NAALADL2: variants seen among roughly 807,000 people sequenced by gnomAD.
NAALADL2 encodes N-acetylated alpha-linked acidic dipeptidase like 2.
A neutral mutation model predicts 87.2 loss-of-function variants in NAALADL2; 76 were observed. The ratio of observed to expected loss-of-function variants is 0.87; its 90% CI spans 0.72 to 1.05. The LOEUF is 1.05. Among genes scored for constraint, NAALADL2 ranks in the 50% least tolerant of loss-of-function variants. The probability of loss-of-function intolerance (pLI) is 0.00; values close to 1 mark genes in which losing one functional copy is unlikely to be tolerated. For synonymous variants in NAALADL2, 354 were observed against 331.0 expected (o/e 1.07, Z -0.75); for missense variants, 1,089 against 945.8 (o/e 1.15, Z -1.99).
chr3:175,681,588 A>G (rs1172823445), intron 11 of NAALADL2, among the ~76,000 whole-genome samples: 1 of 152,206 alleles, frequency 6.6e-6, no homozygotes, highest in African/African-American at 2.4e-5. Flanking sequence ...AATCTAAAAG[A>G]AGTGTTGCAA....
At chr3:175,243,070 AACACACACAC>A (rs145805880) in intron 3 of NAALADL2, among the ~76,000 whole-genome samples, 1 of 146,974 alleles carries the variant, frequency 6.8e-6, no homozygotes, top group East Asian at 2.0e-4. Flanking sequence ...TCCTTTCCAT[AACACACACAC>A]ACACACACAC....
chr3:175,140,061 A>G (rs1350664597), intron 2 of NAALADL2, among the ~76,000 whole-genome samples: 1 of 152,176 alleles, frequency 6.6e-6, no homozygotes, highest in Non-Finnish European at 1.5e-5. Flanking sequence ...AGGGATTTAA[A>G]TTCAGTCAGG....
intron 2 of NAALADL2, among the ~76,000 whole-genome samples, chr3:174,676,147 TA>T (rs111566051): frequency 6.6e-5 from 10 of 152,170 alleles, no homozygotes; most frequent in African/African-American, 2.4e-4. Context: ...ATTGAAGGTT[TA>T]TTCTTGGTAA....
chr3:174,555,356 A>G (rs1003708638), intron 2 of NAALADL2, among the ~76,000 whole-genome samples: 1 of 152,110 alleles, frequency 6.6e-6, no homozygotes, highest in Non-Finnish European at 1.5e-5. Flanking sequence ...CTGGAGTGCA[A>G]TGGCGCGATC....
chr3:174,720,358 A>T (rs953382708), intron 2 of NAALADL2, among the ~76,000 whole-genome samples: 17 of 152,328 alleles, frequency 1.1e-4, no homozygotes, highest in African/African-American at 4.1e-4. Context: ...ATTTCTTAGT[A>T]ACAAAGTAAT....
chr3:175,030,461 C>T (rs979894212), intron 1 of NAALADL2, among the ~76,000 whole-genome samples: 2 of 151,948 alleles, frequency 1.3e-5, no homozygotes, highest in African/African-American at 4.8e-5. Flanking sequence ...TTGACAGTTG[C>T]ATTATGTATC....
At chr3:174,552,319 A>G (rs1007791512) in intron 2 of NAALADL2, among the ~76,000 whole-genome samples, 13 of 152,198 alleles carry the variant, frequency 8.5e-5, no homozygotes, top group African/African-American at 2.2e-4. Context: ...ATGATGAAGT[A>G]GAAATGTGAA....
chr3:175,336,043 C>T (rs528406129), intron 5 of NAALADL2, among the ~76,000 whole-genome samples: 7 of 152,212 alleles, frequency 4.6e-5, no homozygotes, highest in South Asian at 4.1e-4. Context: ...GACTTATATA[C>T]GTGCATACCC....
At chr3:175,346,080 T>C (rs1193958128) in intron 5 of NAALADL2, among the ~76,000 whole-genome samples, 2 of 152,200 alleles carry the variant, frequency 1.3e-5, no homozygotes, top group Admixed American at 1.3e-4. Flanking sequence ...TGCCTTTTTG[T>C]GCATATTTGA....
chr3:174,736,057 T>G lies in NAALADL2; in HGVS notation c.-114-1584T>G, dbSNP rs374236034. Among the ~76,000 whole-genome samples, 65 of 152,212 alleles carry G rather than the reference T, an allele frequency of 4.3e-4. 2 individuals are homozygous for G. The South Asian group carries it at 0.013, about 32-fold the overall frequency. On this transcript the variant is annotated intron_variant, in intron 2 of 3. Transcript: ENST00000434257. Reference sequence around the variant, plus strand: ...CCTGTGAGGCTGCAGCTGGTCCAGGTGTACTGCAAGCCGCTTCCATGGCTG... The same window carrying G: ...CCTGTGAGGCTGCAGCTGGTCCAGGGGTACTGCAAGCCGCTTCCATGGCTG...
At chr3:175,101,161 G>A (rs975671639) in intron 2 of NAALADL2, among the ~76,000 whole-genome samples, 2 of 152,184 alleles carry the variant, frequency 1.3e-5, no homozygotes, top group Admixed American at 1.3e-4. Context: ...GATTTGCATT[G>A]AAGTGTTGAT....
chr3:175,690,410 A>G (rs564979966), intron 11 of NAALADL2, among the ~76,000 whole-genome samples: 2 of 152,236 alleles, frequency 1.3e-5, no homozygotes, highest in South Asian at 4.1e-4. Flanking sequence ...TAAGGCAAAC[A>G]TGAGAAAAAT....
chr3:175,430,586 T>C (rs1298772110), intron 5 of NAALADL2, among the ~76,000 whole-genome samples: 1 of 152,052 alleles, frequency 6.6e-6, no homozygotes, highest in Non-Finnish European at 1.5e-5. Context: ...TATTTACATC[T>C]TACTTACATC....
intron 2 of NAALADL2, among the ~76,000 whole-genome samples, chr3:175,211,840 T>G (rs1322979673): frequency 6.6e-6 from 1 of 152,030 alleles, no homozygotes; most frequent in Non-Finnish European, 1.5e-5. Flanking sequence ...CTTAAAATAA[T>G]GTATTCATTA....
chr3:174,611,786 G>C (rs1197275253), intron 2 of NAALADL2, among the ~76,000 whole-genome samples: 2 of 151,576 alleles, frequency 1.3e-5, no homozygotes, highest in African/African-American at 4.8e-5. Context: ...TAGTAGAGAC[G>C]GGGTTTCACC....
At chr3:175,191,197 C>T (rs1294257058) in intron 2 of NAALADL2, among the ~76,000 whole-genome samples, 1 of 151,942 alleles carries the variant, frequency 6.6e-6, no homozygotes, top group Non-Finnish European at 1.5e-5. Flanking sequence ...CTGTAGTAAC[C>T]GTTTCACTCT....
At chr3:175,295,896 G>A (rs4894709) in intron 4 of NAALADL2, among the ~76,000 whole-genome samples, 70,078 of 151,550 alleles carry the variant, frequency 0.46, 17,014 homozygotes, top group Non-Finnish European at 0.53. Flanking sequence ...TCATGAGTTG[G>A]AATCTAACTG....
intron 1 of NAALADL2, among the ~76,000 whole-genome samples, chr3:174,922,192 C>T (rs1735323461): frequency 6.6e-6 from 1 of 151,648 alleles, no homozygotes; most frequent in African/African-American, 2.4e-5. Flanking sequence ...CACCTGTAGT[C>T]CTACGTTCTT....
At chr3:174,892,473 A>G (rs912375518) in intron 1 of NAALADL2, among the ~76,000 whole-genome samples, 14 of 152,200 alleles carry the variant, frequency 9.2e-5, no homozygotes, top group Non-Finnish European at 2.1e-4. Flanking sequence ...AAAAAAAAGT[A>G]CATCTGTACG....
Sources: gnomAD v4.1 joint callset for allele counts (sites outside exome capture counted in the v4.1 genomes callset) on GRCh38, gnomAD v4.1.1 for gene constraint, MANE v1.5 for transcripts, NCBI Gene and HGNC (gene_info 2026-07-23, HGNC 2026-07-21) for gene names.